Variants in SRL observed in about 807,000 individuals in gnomAD.
SRL encodes the protein sarcalumenin.
Under a neutral mutation model 39.5 loss-of-function variants are expected in SRL, and 23 were observed. The ratio of observed to expected loss-of-function variants is 0.58; its 90% confidence interval spans 0.42 to 0.82. The LOEUF (loss-of-function observed/expected upper bound fraction) is 0.82, where lower values mean the gene tolerates loss of function less well. Among genes scored for constraint, SRL ranks in the 40% least tolerant of loss-of-function variants. SRL has a pLI of 0.00. For synonymous variants in SRL, 272 were observed against 237.4 expected, an observed-to-expected ratio of 1.15 and a Z score of -1.34; for missense variants, 592 against 607.8, an observed-to-expected ratio of 0.97 and a Z score of 0.27.
chr16:4,200,671 G>T (rs764361115), intron 3 of SRL, among the ~76,000 whole-genome samples: 1 of 152,216 alleles, frequency 6.6e-6, no homozygotes, highest in East Asian at 1.9e-4. Flanking sequence ...GGCTCTGCAA[G>T]CTCATACCAA....
chr16:4,204,408 G>GATACAGCCCCGGCCTCTAAT, intron 2 of SRL, 125 bp downstream of exon 2: 1 of 812,456 alleles, frequency 1.2e-6, no homozygotes, highest in Non-Finnish European at 2.0e-6. Context: ...CTCCAAGATA[G>GATACAGCCCCGGCCTCTAAT]ATACAGCCCC....
Position 4,191,325 on chromosome 16 carries a change from G to C in SRL, c.*828C>G, listed in dbSNP as rs1356784456. The C allele has an allele frequency of 1.3e-5, 2 of 152,546 alleles. No individual in the cohort carries two copies. Among genetic ancestry groups the C allele is most frequent in the Admixed American group, 6.5e-5 (1 of 15,286 alleles). The allele number at this position is 152,546 out of a possible 1,614,324, so 9.4% of individuals were successfully genotyped here. A position where few individuals can be genotyped will look rare whatever the true frequency, so the allele number is the denominator to read the frequency against. ...GTCCGGGGGATTGGCTCAAAACCCA[G>C]GTGGAGGCCGGGTGCGGCAGCTCAT... On this transcript the variant is annotated 3_prime_UTR_variant, in exon 6 of 6. Transcript: ENST00000399609.
chr16:4,200,503 A>G (rs767371175), intron 3 of SRL, among the ~76,000 whole-genome samples: 14 of 152,226 alleles, frequency 9.2e-5, no homozygotes, highest in Non-Finnish European at 1.8e-4. Context: ...AACCAAGCCC[A>G]AAAGGTGAGT....
chr16:4,231,536 T>C (rs2141067579), intron 1 of SRL, among the ~76,000 whole-genome samples: 1 of 152,198 alleles, frequency 6.6e-6, no homozygotes, highest in South Asian at 2.1e-4. Context: ...CGAGCCCCCC[T>C]TCCAGGAAGC....
intron 1 of SRL, among the ~76,000 whole-genome samples, chr16:4,232,385 C>T (rs1368260571): frequency 1.3e-5 from 2 of 152,188 alleles, no homozygotes; most frequent in Admixed American, 6.5e-5. Context: ...TGGCTAGAGG[C>T]CTCTCTGGTG....
At chr16:4,241,209 G>A (rs2052769137) in intron 1 of SRL, among the ~76,000 whole-genome samples, 2 of 152,102 alleles carry the variant, frequency 1.3e-5, no homozygotes, top group Non-Finnish European at 1.5e-5. Flanking sequence ...ATTCCCTCGG[G>A]GAACCTGGCC....
chr16:4,231,648 A>C (rs1329404786), intron 1 of SRL, among the ~76,000 whole-genome samples: 1 of 152,164 alleles, frequency 6.6e-6, no homozygotes, highest in Non-Finnish European at 1.5e-5. Flanking sequence ...TGTCATGAGC[A>C]GGGGCTGTCT....
chr16:4,227,452 G>C (rs2052606151), intron 1 of SRL, among the ~76,000 whole-genome samples: 1 of 151,586 alleles, frequency 6.6e-6, no homozygotes, highest in African/African-American at 2.4e-5. Flanking sequence ...TGGGTGCGTG[G>C]ATAAGTGAAT....
At chr16:4,193,699 C>G (rs1450685031) in intron 5 of SRL, among the ~76,000 whole-genome samples, 2 of 152,132 alleles carry the variant, frequency 1.3e-5, no homozygotes, top group Non-Finnish European at 2.9e-5. Flanking sequence ...AGTCATACAG[C>G]TGGTGCAGAA....
intron 1 of SRL, among the ~76,000 whole-genome samples, chr16:4,218,086 G>T (rs1387761479): frequency 6.6e-6 from 1 of 152,146 alleles, no homozygotes; most frequent in Non-Finnish European, 1.5e-5. Flanking sequence ...TCGTTCTGCT[G>T]ATCCCAAAGT....
At chr16:4,240,294 T>A (rs2052759074) in intron 1 of SRL, among the ~76,000 whole-genome samples, 1 of 152,026 alleles carries the variant, frequency 6.6e-6, no homozygotes, top group Non-Finnish European at 1.5e-5. Flanking sequence ...GGTGGCACAA[T>A]TCTGAAGGGG....
intron 1 of SRL, among the ~76,000 whole-genome samples, chr16:4,208,562 C>G (rs2052355351): frequency 6.6e-6 from 1 of 152,194 alleles, no homozygotes; most frequent in Admixed American, 6.5e-5. Context: ...CTTGTGCATC[C>G]CACCTCATGG....
chr16:4,211,322 C>A (rs1377150101), intron 1 of SRL, among the ~76,000 whole-genome samples: 5 of 152,020 alleles, frequency 3.3e-5, no homozygotes, highest in African/African-American at 1.2e-4. Flanking sequence ...TGGGGGGGGT[C>A]TCCTAGGGCC....
At chr16:4,234,793 G>A (rs1007010286) in intron 1 of SRL, among the ~76,000 whole-genome samples, 7 of 152,302 alleles carry the variant, frequency 4.6e-5, no homozygotes, top group African/African-American at 1.4e-4. Context: ...CACCCATTCA[G>A]GACCCAGAAG....
intron 1 of SRL, among the ~76,000 whole-genome samples, chr16:4,238,212 A>C (rs1319023776): frequency 6.6e-6 from 1 of 152,042 alleles, no homozygotes; most frequent in Non-Finnish European, 1.5e-5. Context: ...CAGGAGAGAG[A>C]GCTAAGTAAG....
At chr16:4,211,981 A>C (rs2052399494) in intron 1 of SRL, among the ~76,000 whole-genome samples, 1 of 152,208 alleles carries the variant, frequency 6.6e-6, no homozygotes, top group Non-Finnish European at 1.5e-5. Context: ...GACAGTCTCA[A>C]AAGCCGTTTT....
At chr16:4,237,704 G>C (rs925449336) in intron 1 of SRL, among the ~76,000 whole-genome samples, 6 of 152,014 alleles carry the variant, frequency 3.9e-5, no homozygotes, top group Non-Finnish European at 5.9e-5. Flanking sequence ...GGTCTCACCA[G>C]AGCCCCGTTG....
In SRL at chr16:4,208,067, A is replaced by T. The variant is rs1407558004; in HGVS notation, c.62-3433T>A. ...AGAAATGATTCTCCAACAAATTGCC[A>T]ACATCTTCTGTGCCACCCGACGCGG... On this transcript the variant is annotated intron_variant, in intron 1 of 5. Coordinates refer to ENST00000399609, the MANE Select transcript of SRL (RefSeq NM_001098814.2). 1.3e-5 allele frequency: 6 copies of T among 456,022 alleles called. No individual in the cohort carries two copies. The East Asian group carries it at 4.2e-4, about 32-fold the overall frequency. 28.2% of individuals were successfully genotyped at this position (456,022 alleles called of 1,614,324 possible).
chr16:4,220,044 G>A (rs1268603891), intron 1 of SRL, among the ~76,000 whole-genome samples: 1 of 152,106 alleles, frequency 6.6e-6, no homozygotes, highest in Non-Finnish European at 1.5e-5. Context: ...TCCGTGAACA[G>A]TACAAACTCT....
Sources: allele counts gnomAD v4.1 joint callset (sites outside exome capture counted in the v4.1 genomes callset), GRCh38; gene constraint gnomAD v4.1.1; transcripts MANE v1.5; gene names NCBI Gene and HGNC (gene_info 2026-07-23, HGNC 2026-07-21).